Variants in SNTG1 observed in about 807,000 individuals in gnomAD.
SNTG1 encodes syntrophin gamma 1.
A neutral mutation model predicts 74.7 loss-of-function variants in SNTG1; 39 were observed. The ratio of observed to expected loss-of-function variants is 0.52; its 90% CI spans 0.40 to 0.68. The LOEUF (loss-of-function observed/expected upper bound fraction) is 0.68. Ranked by LOEUF, SNTG1 falls within the 30% of genes least tolerant of loss-of-function variation. The pLI is 0.00. For missense variants in SNTG1, 685 were observed against 609.5 expected (o/e 1.12, Z -1.30); for synonymous variants, 254 against 217.1 (o/e 1.17, Z -1.49).
intron 2 of SNTG1, among the ~76,000 whole-genome samples, chr8:50,206,678 A>C (rs948173276): frequency 7.9e-5 from 12 of 152,290 alleles, no homozygotes; most frequent in African/African-American, 2.4e-4. Context: ...GTTTTTGCCC[A>C]TTCAGTATGA....
At chr8:49,947,679 C>T (rs1462805275) in intron 1 of SNTG1, among the ~76,000 whole-genome samples, 1 of 152,116 alleles carries the variant, frequency 6.6e-6, no homozygotes, top group Non-Finnish European at 1.5e-5. Flanking sequence ...TTGAGAGTTG[C>T]CTGAGGAGTG....
At chr8:50,363,662 A>G (rs1233832801) in intron 2 of SNTG1, among the ~76,000 whole-genome samples, 1 of 152,166 alleles carries the variant, frequency 6.6e-6, no homozygotes, top group Admixed American at 6.5e-5. Flanking sequence ...ATTAGATTGA[A>G]TACAAACACT....
intron 2 of SNTG1, among the ~76,000 whole-genome samples, chr8:50,245,633 AGATTGCACCACTGCAC>A (rs536527236): frequency 4.7e-4 from 72 of 152,254 alleles, no homozygotes; most frequent in Middle Eastern, 3.4e-3. Flanking sequence ...CCATGAGCCG[AGATTGCACCACTGCAC>A]TTCAGCCTAA....
intron 2 of SNTG1, among the ~76,000 whole-genome samples, chr8:50,220,340 C>T (rs1385843639): frequency 6.6e-6 from 1 of 152,122 alleles, no homozygotes; most frequent in East Asian, 1.9e-4. Context: ...GCACTGTCTA[C>T]TTCCTGAAAA....
At chr8:50,527,818 A>G (rs2094234357) in intron 9 of SNTG1, among the ~76,000 whole-genome samples, 2 of 148,622 alleles carry the variant, frequency 1.3e-5, no homozygotes, top group South Asian at 4.2e-4. Context: ...TTTGGAGATT[A>G]CCTTTTCATT....
chr8:50,394,121 A>C, intron 2 of SNTG1, 91 bp from the exon 3 acceptor site: 1 of 955,154 alleles, frequency 1.0e-6, no homozygotes, highest in African/African-American at 1.7e-5. Flanking sequence ...TTTTCCCACA[A>C]GTTCTGCTTC....
At chr8:50,705,724 T>C (rs2095441336) in intron 16 of SNTG1, among the ~76,000 whole-genome samples, 2 of 152,200 alleles carry the variant, frequency 1.3e-5, no homozygotes, top group African/African-American at 4.8e-5. Flanking sequence ...CAACAGATAT[T>C]TATTGAACTT....
chr8:50,043,245 C>A (rs892222384), intron 1 of SNTG1, among the ~76,000 whole-genome samples: 4 of 151,972 alleles, frequency 2.6e-5, no homozygotes, highest in African/African-American at 7.3e-5. Flanking sequence ...AAATTGAAGC[C>A]AGGAATATGA....
chr8:50,561,122 T>C (rs1408448242), intron 12 of SNTG1, among the ~76,000 whole-genome samples: 1 of 152,070 alleles, frequency 6.6e-6, no homozygotes, highest in Non-Finnish European at 1.5e-5. Flanking sequence ...ATGGGAGTGG[T>C]TTCCCCCATG....
chr8:50,077,384 C>T (rs192758508), intron 1 of SNTG1, among the ~76,000 whole-genome samples: 133 of 152,186 alleles, frequency 8.7e-4, no homozygotes, highest in Non-Finnish European at 1.8e-4. Context: ...TTACTAAGAG[C>T]TAAATACTTT....
intron 1 of SNTG1, among the ~76,000 whole-genome samples, chr8:49,957,181 G>A (rs192866131): frequency 6.6e-6 from 1 of 152,274 alleles, no homozygotes; most frequent in East Asian, 1.9e-4. Context: ...CCTAACTGGT[G>A]TTCATGTGGG....
intron 1 of SNTG1, among the ~76,000 whole-genome samples, chr8:49,982,270 T>A (rs1812749936): frequency 2.6e-5 from 4 of 152,098 alleles, no homozygotes; most frequent in Admixed American, 6.6e-5. Flanking sequence ...ACTGCTCAGG[T>A]AGTTGGCATC....
At chr8:50,053,337 A>G (rs1007075809) in intron 1 of SNTG1, among the ~76,000 whole-genome samples, 2 of 152,146 alleles carry the variant, frequency 1.3e-5, no homozygotes, top group African/African-American at 4.8e-5. Flanking sequence ...TAAGTAAAAA[A>G]GATCACATAT....
chr8:50,021,246 C>T (rs977226023), intron 1 of SNTG1, among the ~76,000 whole-genome samples: 13 of 152,158 alleles, frequency 8.5e-5, no homozygotes, highest in Non-Finnish European at 1.9e-4. Flanking sequence ...AATCTTCCAA[C>T]ATGACTTCCT....
At chr8:50,297,189 A>C (rs1231966806) in intron 2 of SNTG1, among the ~76,000 whole-genome samples, 1 of 152,212 alleles carries the variant, frequency 6.6e-6, no homozygotes. Context: ...TTATCTGCAG[A>C]AGATACGTTT....
intron 18 of SNTG1, among the ~76,000 whole-genome samples, chr8:50,769,414 GAAGCAATTTCCCAGGAAGTAAAGTA>G (rs2095621790): frequency 6.6e-6 from 1 of 151,834 alleles, no homozygotes; most frequent in African/African-American, 2.4e-5. Context: ...AGACCTTCTG[GAAGCAATTTCCCAGGAAGTAAAGTA>G]ACAAAACACA....
At chr8:50,385,031 C>T (rs554376303) in intron 2 of SNTG1, among the ~76,000 whole-genome samples, 1 of 152,274 alleles carries the variant, frequency 6.6e-6, no homozygotes, top group Non-Finnish European at 1.5e-5. Flanking sequence ...GAGAAGAAAG[C>T]AGGGATTAGC....
At chr8:50,320,201 C>T (rs2090471116) in intron 2 of SNTG1, among the ~76,000 whole-genome samples, 13 of 152,084 alleles carry the variant, frequency 8.5e-5, no homozygotes, top group Admixed American at 8.5e-4. Flanking sequence ...CGTTATTGGT[C>T]TGTTCAGGGA....
At chr8:50,683,244 T>A (rs1201450903) in intron 15 of SNTG1, among the ~76,000 whole-genome samples, 1 of 152,162 alleles carries the variant, frequency 6.6e-6, no homozygotes, top group Non-Finnish European at 1.5e-5. Flanking sequence ...TAGTAGTGAG[T>A]AGTGAGAACT....
Sources: allele counts gnomAD v4.1 joint callset (sites outside exome capture counted in the v4.1 genomes callset), GRCh38; gene constraint gnomAD v4.1.1; transcripts MANE v1.5; gene names NCBI Gene and HGNC (gene_info 2026-07-23, HGNC 2026-07-21).